ADGRD1: variants seen among roughly 807,000 people sequenced by gnomAD.
The protein encoded by ADGRD1 is adhesion G protein-coupled receptor D1.
In ADGRD1, 77 loss-of-function variants were observed where a neutral mutation model predicts 113.4. The observed-to-expected ratio is 0.68, with a 90% CI of 0.57 to 0.82. The LOEUF is 0.82. Among genes scored for constraint, ADGRD1 ranks in the 40% least tolerant of loss-of-function variants. The pLI is 0.00. For synonymous variants in ADGRD1, 474 were observed against 475.0 expected (o/e 1.00, Z 0.03); for missense variants, 1,036 against 1,139.1 (o/e 0.91, Z 1.30).
chr12:131,139,510 C>A lies in ADGRD1; in HGVS notation c.*247C>A, dbSNP rs1415779929. 8.3e-6 allele frequency: 4 copies of A among 479,974 alleles called. No homozygotes were observed. The highest frequency in any genetic ancestry group is 1.5e-5 in the Non-Finnish European group (4 of 261,440). The allele number at this position is 479,974 out of a possible 1,614,324, so 29.7% of individuals were successfully genotyped here. ...CCACCCGTGGGCTGAGTGACTTCCTCGGGGGATTCCCAGGACACAGTGGCC... is the reference window on the plus strand; with the variant it reads ...CCACCCGTGGGCTGAGTGACTTCCTAGGGGGATTCCCAGGACACAGTGGCC... On this transcript the variant is annotated 3_prime_UTR_variant, in exon 25 of 25. Coordinates refer to ENST00000261654, the MANE Select transcript of ADGRD1 (RefSeq NM_198827.5).
intron 12 of ADGRD1, among the ~76,000 whole-genome samples, chr12:131,006,877 C>T (rs962260097): frequency 1.3e-5 from 2 of 152,062 alleles, no homozygotes; most frequent in Non-Finnish European, 2.9e-5. Context: ...GTGTGATTTC[C>T]AAAATTCTTC....
At chr12:131,025,369 G>A (rs1167738342) in intron 13 of ADGRD1, among the ~76,000 whole-genome samples, 1 of 152,078 alleles carries the variant, frequency 6.6e-6, no homozygotes, top group Non-Finnish European at 1.5e-5. Flanking sequence ...TTTGTCTGAT[G>A]GGAAGATTTC....
chr12:131,051,529 G>T (rs1212573315), intron 13 of ADGRD1, among the ~76,000 whole-genome samples: 1 of 149,198 alleles, frequency 6.7e-6, no homozygotes, highest in Non-Finnish European at 1.5e-5. Flanking sequence ...TGTTGCCCAG[G>T]CTGGAGGGCA....
chr12:130,981,847 G>T, intron 4 of ADGRD1, 37 bp from the exon 5 acceptor site: 1 of 1,495,280 alleles, frequency 6.7e-7, no homozygotes, highest in Non-Finnish European at 9.2e-7. Context: ...CAAGTCCCCT[G>T]CTCTCTGTGA....
At chr12:130,956,339 C>G (rs930973853) in intron 2 of ADGRD1, 2 of 152,242 alleles carry the variant, frequency 1.3e-5, no homozygotes, top group African/African-American at 4.8e-5. Flanking sequence ...GGGGTGGGGA[C>G]GCTGCCACTT....
chr12:130,961,686 A>G (rs1171556334), intron 2 of ADGRD1, among the ~76,000 whole-genome samples: 2 of 152,192 alleles, frequency 1.3e-5, no homozygotes, highest in African/African-American at 4.8e-5. Flanking sequence ...TCTTGCTCTG[A>G]TGAAACTTGT....
chr12:131,137,047 T>G (rs1593280782), intron 23 of ADGRD1, 33 bp downstream of exon 23: 2 of 1,579,806 alleles, frequency 1.3e-6, no homozygotes, highest in Admixed American at 3.3e-5. Flanking sequence ...CAGGTGCAGG[T>G]GCAGCTGGCT....
chr12:130,975,711 T>C (rs1325724931), intron 4 of ADGRD1, among the ~76,000 whole-genome samples: 1 of 152,218 alleles, frequency 6.6e-6, no homozygotes, highest in Non-Finnish European at 1.5e-5. Context: ...TATTGCTGTG[T>C]CGGTTAAGAT....
At chr12:131,032,345 G>C (rs570411859) in intron 13 of ADGRD1, among the ~76,000 whole-genome samples, 2 of 151,606 alleles carry the variant, frequency 1.3e-5, no homozygotes, top group Non-Finnish European at 2.9e-5. Context: ...CCACGAGCAC[G>C]AATCATCTCA....
Position 131,003,451 on chromosome 12 carries a change from C to T in ADGRD1, c.1144+149C>T. 1.5e-6 allele frequency: 1 copy of T among 666,332 alleles called. No individual in the cohort carries two copies. The highest frequency in any genetic ancestry group is 2.7e-6 in the Non-Finnish European group (1 of 373,452). 41.3% of individuals were successfully genotyped at this position (666,332 alleles called of 1,614,324 possible). A position where few individuals can be genotyped will look rare whatever the true frequency, so the allele number is the denominator to read the frequency against. ...GCACAAACCACATTTGGAAGGAAAA[C>T]CCGTGGTCAGATGAGGGCAGGTGTG... On this transcript the variant is annotated intron_variant, in intron 10 of 24. Transcript: ENST00000261654. This position sits in a 1 kb window ranked among gnomAD's most constrained non-coding sequence, Gnocchi z 4.8.
intron 4 of ADGRD1, chr12:130,978,311 C>A (rs2136572675): frequency 6.6e-6 from 1 of 152,146 alleles, no homozygotes; most frequent in Admixed American, 6.5e-5. Flanking sequence ...ATTTATTAGT[C>A]TTTTCTTATG....
Position 131,118,278 on chromosome 12 carries a change from T to C in ADGRD1, c.2042-107T>C, listed in dbSNP as rs1041556381. Reference sequence around the variant, plus strand: ...GCACATAGTTCCCCCTCTGTATACATGTATGAGGTGTACAAGGAATGAAGA... The same window carrying C: ...GCACATAGTTCCCCCTCTGTATACACGTATGAGGTGTACAAGGAATGAAGA... On this transcript the variant is annotated intron_variant, in intron 18 of 24. Coordinates refer to ENST00000261654, the MANE Select transcript of ADGRD1 (RefSeq NM_198827.5). 4 of 773,032 alleles carry C rather than the reference T, an allele frequency of 5.2e-6. No individual in the cohort carries two copies. The African/African-American group carries it at 5.2e-5, about 10-fold the overall frequency. The allele number at this position is 773,032 out of a possible 1,614,324, so 47.9% of individuals were successfully genotyped here. A position where few individuals can be genotyped will look rare whatever the true frequency, so the allele number is the denominator to read the frequency against.
At chr12:131,128,402 C>T (rs1012498656) in intron 20 of ADGRD1, among the ~76,000 whole-genome samples, 3 of 152,146 alleles carry the variant, frequency 2.0e-5, no homozygotes, top group Non-Finnish European at 4.4e-5. Context: ...GTTTCTCCAT[C>T]CCCTGAATCA....
chr12:131,058,819 T>C (rs570562252), intron 13 of ADGRD1, among the ~76,000 whole-genome samples: 1 of 152,358 alleles, frequency 6.6e-6, no homozygotes, highest in African/African-American at 2.4e-5. Flanking sequence ...TTTTCAGAAG[T>C]CTGACTATAA....
intron 2 of ADGRD1, chr12:130,957,774 G>A (rs1325046682): frequency 6.6e-6 from 1 of 152,238 alleles, no homozygotes; most frequent in African/African-American, 2.4e-5. Context: ...GGACGGAAGG[G>A]TGTGGTGACC....
At position 131,113,992 on chromosome 12, in the gene ADGRD1, C is replaced by T. The variant is rs540205817; in HGVS notation, c.2042-4393C>T. The stretch of plus-strand genomic sequence containing the variant: ...TTAGAGGCATACGTGCATGTGTGCA[C>T]GCACACACACGCACACACACTCACA... On this transcript the variant is annotated intron_variant, in intron 18 of 24. Coordinates refer to ENST00000261654, the MANE Select transcript of ADGRD1 (RefSeq NM_198827.5). The surrounding 1 kb of genome is among the most constrained non-coding windows in gnomAD (Gnocchi z 4.9). Among the ~76,000 whole-genome samples, 12 of 152,162 alleles carry T rather than the reference C, an allele frequency of 7.9e-5. No individual in the cohort carries two copies. The highest frequency in any genetic ancestry group is 2.1e-4 in the South Asian group (1 of 4,722).
chr12:131,104,035 G>C (rs955978412), intron 15 of ADGRD1, among the ~76,000 whole-genome samples: 1 of 152,228 alleles, frequency 6.6e-6, no homozygotes, highest in Admixed American at 6.5e-5. Context: ...GTGAACTGCG[G>C]CTTCGGTTCT....
chr12:131,045,147 G>A (rs566604120), intron 13 of ADGRD1, among the ~76,000 whole-genome samples: 2 of 152,358 alleles, frequency 1.3e-5, no homozygotes, highest in East Asian at 1.9e-4. Flanking sequence ...CCACCCGCGG[G>A]CGCATTGGGC....
intron 20 of ADGRD1, among the ~76,000 whole-genome samples, chr12:131,124,917 C>T (rs1201510672): frequency 6.6e-6 from 1 of 152,190 alleles, no homozygotes; most frequent in Admixed American, 6.5e-5. Flanking sequence ...ACAGGCTGCA[C>T]AGCTTAAACA....
Sources: gnomAD v4.1 joint callset for allele counts (sites outside exome capture counted in the v4.1 genomes callset) on GRCh38, gnomAD v4.1.1 for gene constraint, Gnocchi (gnomAD v3.1) non-coding constraint, MANE v1.5 for transcripts, NCBI Gene and HGNC (gene_info 2026-07-23, HGNC 2026-07-21) for gene names.